CLYBL: variants seen among roughly 807,000 people sequenced by gnomAD.
CLYBL encodes citramalyl-CoA lyase, mitochondrial.
CLYBL carries 31 observed loss-of-function variants against 38.9 expected under a neutral mutation model. The ratio of observed to expected loss-of-function variants is 0.80; its 90% CI spans 0.60 to 1.08. The LOEUF (loss-of-function observed/expected upper bound fraction) is 1.08, where lower values mean the gene tolerates loss of function less well. CLYBL is among the 50% of genes least tolerant of loss of function. The pLI is 0.00. For synonymous variants in CLYBL, 171 were observed against 158.6 expected (o/e 1.08, Z -0.59); for missense variants, 434 against 411.6 (o/e 1.05, Z -0.47).
At chr13:99,908,200 A>T (rs545108192) in exon 10 of CLYBL, among the ~76,000 whole-genome samples, 1 of 152,310 alleles carries the variant, frequency 6.6e-6, no homozygotes, top group African/African-American at 2.4e-5. Context: ...CAGAAATCCC[A>T]AAAGGTGTCA....
chr13:99,721,280 G>A (rs767467639), intron 1 of CLYBL, among the ~76,000 whole-genome samples: 7 of 151,722 alleles, frequency 4.6e-5, no homozygotes, highest in Non-Finnish European at 7.4e-5. Flanking sequence ...TTGACCGCAA[G>A]TGATCCACCC....
Position 99,659,202 on chromosome 13 carries a change from ATGTG to A in CLYBL, c.62+52457_62+52460del, listed in dbSNP as rs143623417. Among the ~76,000 whole-genome samples, 206 of 150,776 alleles carry A rather than the reference ATGTG, an allele frequency of 1.4e-3. 3 individuals carry two copies. In the East Asian group the frequency reaches 0.038, roughly 28 times the overall value. Reference sequence around the variant, plus strand: ...CCTCTTCTAAATCATCCTCTAAGCTATGTGTGTGTGTGTGTATATATATATATGT... The same window carrying A: ...CCTCTTCTAAATCATCCTCTAAGCTATGTGTGTGTGTATATATATATATGT... On this transcript the variant is annotated intron_variant, in intron 1 of 8. Transcript: ENST00000339105.
At chr13:99,732,021 T>G (rs2139573974) in intron 1 of CLYBL, among the ~76,000 whole-genome samples, 1 of 152,264 alleles carries the variant, frequency 6.6e-6, no homozygotes, top group East Asian at 1.9e-4. Context: ...CAGCACATTC[T>G]GCTGGGGCTT....
At chr13:99,828,591 C>T (rs2050744304) in intron 2 of CLYBL, among the ~76,000 whole-genome samples, 1 of 152,052 alleles carries the variant, frequency 6.6e-6, no homozygotes, top group African/African-American at 2.4e-5. Context: ...ATCAGATGTT[C>T]TCAGTGGGGA....
At chr13:99,761,733 A>G (rs1393206760) in intron 1 of CLYBL, among the ~76,000 whole-genome samples, 2 of 152,214 alleles carry the variant, frequency 1.3e-5, no homozygotes, top group Non-Finnish European at 2.9e-5. Context: ...AGTTTCTTTG[A>G]GGAACCTCAA....
intron 2 of CLYBL, among the ~76,000 whole-genome samples, chr13:99,795,189 AAT>A (rs1264953286): frequency 6.6e-6 from 1 of 152,118 alleles, no homozygotes; most frequent in Non-Finnish European, 1.5e-5. Flanking sequence ...TGCTATTTCA[AAT>A]ATGTTTTTGC....
intron 1 of CLYBL, among the ~76,000 whole-genome samples, chr13:99,733,964 A>G (rs1003423401): frequency 2.0e-5 from 3 of 152,230 alleles, no homozygotes; most frequent in African/African-American, 7.2e-5. Flanking sequence ...GATGTTTTGA[A>G]TGTGCTCGAC....
chr13:99,675,675 C>T (rs1594113876), intron 1 of CLYBL, among the ~76,000 whole-genome samples: 1 of 152,336 alleles, frequency 6.6e-6, no homozygotes, highest in Middle Eastern at 3.4e-3. Flanking sequence ...TGTTTTCAAG[C>T]TTCATCCAAG....
chr13:99,712,538 G>T (rs1438509739), intron 1 of CLYBL, among the ~76,000 whole-genome samples: 3 of 151,582 alleles, frequency 2.0e-5, no homozygotes, highest in Non-Finnish European at 2.9e-5. Flanking sequence ...GGTAGAGACA[G>T]AGTTTTGCCA....
At chr13:99,760,122 A>C (rs2049137734) in intron 1 of CLYBL, among the ~76,000 whole-genome samples, 1 of 152,212 alleles carries the variant, frequency 6.6e-6, no homozygotes, top group Non-Finnish European at 1.5e-5. Flanking sequence ...AATTGTTCAT[A>C]GTACTGTCTT....
At chr13:99,767,003 C>T (rs904508920) in intron 1 of CLYBL, among the ~76,000 whole-genome samples, 3 of 152,230 alleles carry the variant, frequency 2.0e-5, no homozygotes, top group African/African-American at 7.2e-5. Flanking sequence ...AGGGATATTT[C>T]TCCCTTCAGG....
In CLYBL at chr13:99,864,824, T is replaced by G; in HGVS notation, c.547T>G (p.Cys183Gly). The G allele has an allele frequency of 6.2e-7, 1 of 1,612,842 alleles. No individual in the cohort carries two copies. The highest frequency in any genetic ancestry group is 8.5e-7 in the Non-Finnish European group (1 of 1,178,890). The part of the protein sequence containing the change: ...AMGLLNFKAV[C>G]EETLKVGPQV... ...CTGTTCTGCTCTTTTACAGGCAGTG[T>G]GTGAAGAAACCCTGAAGGTCGGGCC... Residue 183 changes from cysteine (C) to glycine (G), a missense_variant, in exon 5 of 9, where the codon TGT becomes GGT. Transcript: ENST00000339105.
chr13:99,678,790 A>G (rs887311173), intron 1 of CLYBL, among the ~76,000 whole-genome samples: 2 of 152,194 alleles, frequency 1.3e-5, no homozygotes, highest in African/African-American at 4.8e-5. Flanking sequence ...GAAATATTTC[A>G]GTCTCCTGAC....
At chr13:99,705,574 C>CA (rs371982276) in intron 1 of CLYBL, among the ~76,000 whole-genome samples, 1,676 of 132,212 alleles carry the variant, frequency 0.013, 11 homozygotes, top group Non-Finnish European at 0.02. Context: ...AATTCCATCT[C>CA]AAAAAAAAAA....
At chr13:99,646,863 C>G (rs989924919) in intron 1 of CLYBL, among the ~76,000 whole-genome samples, 5 of 152,074 alleles carry the variant, frequency 3.3e-5, no homozygotes, top group Non-Finnish European at 5.9e-5. Flanking sequence ...GTTACAAAGG[C>G]AAGCATACCC....
intron 1 of CLYBL, among the ~76,000 whole-genome samples, chr13:99,644,236 A>G (rs1044317186): frequency 1.3e-5 from 2 of 151,376 alleles, no homozygotes; most frequent in African/African-American, 4.9e-5. Flanking sequence ...TATGTGGTGT[A>G]TGTATGTATA....
At chr13:99,616,909 T>A (rs142707629) in intron 1 of CLYBL, among the ~76,000 whole-genome samples, 7,825 of 152,056 alleles carry the variant, frequency 0.051, 711 homozygotes, top group African/African-American at 0.18. Context: ...TGAGCCAAGA[T>A]CATGCCACTG....
chr13:99,908,890 C>G (rs2052723188), exon 10 of CLYBL, among the ~76,000 whole-genome samples: 1 of 152,152 alleles, frequency 6.6e-6, no homozygotes, highest in Admixed American at 6.6e-5. Flanking sequence ...GGGAGGTGTT[C>G]TCCTTTATAT....
At chr13:99,870,751 G>A (rs1440006025) in intron 6 of CLYBL, among the ~76,000 whole-genome samples, 187 bp from the exon 7 acceptor site, 1 of 152,020 alleles carries the variant, frequency 6.6e-6, no homozygotes, top group African/African-American at 2.4e-5. Flanking sequence ...GTGCTTCTGT[G>A]GTATTCTGGA....
Sources: gnomAD v4.1 joint callset for allele counts (sites outside exome capture counted in the v4.1 genomes callset) on GRCh38, gnomAD v4.1.1 for gene constraint, MANE v1.5 for transcripts, NCBI Gene and HGNC (gene_info 2026-07-23, HGNC 2026-07-21) for gene names.